Variants in PSMD12 observed in about 807,000 individuals in gnomAD.
PSMD12 encodes proteasome 26S subunit, non-ATPase 12.
PSMD12 carries 8 observed loss-of-function variants against 62.9 expected under a neutral mutation model. That is an observed-to-expected ratio of 0.13 (90% CI 0.07 to 0.23). The LOEUF is 0.23. Ranked by LOEUF, PSMD12 falls within the 10% of genes least tolerant of loss-of-function variation. The probability of loss-of-function intolerance (pLI) is 1.00; values close to 1 mark genes in which losing one functional copy is unlikely to be tolerated. For synonymous variants in PSMD12, 173 were observed against 187.4 expected (o/e 0.92, Z 0.63); for missense variants, 424 against 550.2 (o/e 0.77, Z 2.29).
chr17:67,358,684 A>C (rs1435553707), intron 1 of PSMD12, among the ~76,000 whole-genome samples: 4 of 152,052 alleles, frequency 2.6e-5, no homozygotes, highest in Non-Finnish European at 5.9e-5. Context: ...AGTTCCAAGG[A>C]GAAATAAAAA....
At chr17:67,363,874 AC>A (rs1190588809) in intron 1 of PSMD12, among the ~76,000 whole-genome samples, 1 of 151,920 alleles carries the variant, frequency 6.6e-6, no homozygotes, top group Admixed American at 6.6e-5. Flanking sequence ...ACATGGTAAA[AC>A]CCCGTCTCTA....
At position 67,357,569 on chromosome 17, in the gene PSMD12, G is replaced by C; in HGVS notation, c.118C>G (p.Leu40Val). 6.2e-7 allele frequency: 1 copy of C among 1,612,928 alleles called. No homozygotes were observed. The highest frequency in any genetic ancestry group is 8.5e-7 in the Non-Finnish European group (1 of 1,179,072). Reference sequence around the variant, plus strand: ...AGAAGGGTTTCAATGACTTCTTGAAGTCTTCCTTCCTAAAACAAAAGATGA... The same window carrying C: ...AGAAGGGTTTCAATGACTTCTTGAACTCTTCCTTCCTAAAACAAAAGATGA... ...ECAKLAKEGR[L>V]QEVIETLLSL... The change falls in exon 2 of 11, where the codon CTT becomes GTT. Residue 40 changes from leucine (L) to valine (V), a missense_variant. By Grantham distance (32) the Leu-to-Val change is conservative. Coordinates refer to ENST00000356126, the MANE Select transcript of PSMD12 (RefSeq NM_002816.5).
intron 1 of PSMD12, among the ~76,000 whole-genome samples, chr17:67,358,778 A>C (rs2042103192): frequency 6.6e-6 from 1 of 152,126 alleles, no homozygotes; most frequent in South Asian, 2.1e-4. Flanking sequence ...GCTTACCGGA[A>C]ATGAAGGCAT....
rs186258872 is a variant in PSMD12, at chr17:67,356,449, T to C, written c.297+854A>G. Among the ~76,000 whole-genome samples, 166 of 144,912 alleles carry C rather than the reference T, an allele frequency of 1.1e-3. 1 individual carries two copies. In the East Asian group the frequency reaches 0.021, roughly 18 times the overall value. ...AGCGGGCGCCTGTAGTCCCAGCTAC[T>C]CGGGAGGCTGAGGCAGGAGAATGGC... On this transcript the variant is annotated intron_variant, in intron 3 of 10. Coordinates refer to ENST00000356126, the MANE Select transcript of PSMD12 (RefSeq NM_002816.5).
At chr17:67,363,462 T>C (rs574188084) in intron 1 of PSMD12, among the ~76,000 whole-genome samples, 38 of 152,318 alleles carry the variant, frequency 2.5e-4, no homozygotes, top group South Asian at 1.2e-3. Context: ...AAATAAAAAA[T>C]GCCTTAAGGA....
chr17:67,363,227 C>T (rs1229241382), intron 1 of PSMD12, among the ~76,000 whole-genome samples: 1 of 152,152 alleles, frequency 6.6e-6, no homozygotes, highest in Admixed American at 6.5e-5. Context: ...TCATAGCTCA[C>T]TGCAACCTCG....
intron 1 of PSMD12, among the ~76,000 whole-genome samples, chr17:67,364,338 T>C (rs539892300): frequency 7.2e-5 from 11 of 152,300 alleles, no homozygotes; most frequent in African/African-American, 2.4e-4. Flanking sequence ...CATATGGTAT[T>C]GGAGTTTGCA....
At chr17:67,346,585 T>C (rs2041969397) in intron 7 of PSMD12, among the ~76,000 whole-genome samples, 1 of 151,556 alleles carries the variant, frequency 6.6e-6, no homozygotes, top group Non-Finnish European at 1.5e-5. Context: ...AAAAAACAAA[T>C]AAACAAACAA....
At chr17:67,363,878 C>G (rs959170403) in intron 1 of PSMD12, among the ~76,000 whole-genome samples, 103 of 151,978 alleles carry the variant, frequency 6.8e-4, no homozygotes, top group Admixed American at 6.7e-3. Flanking sequence ...GGTAAAACCC[C>G]GTCTCTACTA....
At chr17:67,357,269 T>C (rs1171618610) in intron 3 of PSMD12, 34 bp downstream of exon 3, 1 of 1,581,622 alleles carries the variant, frequency 6.3e-7, no homozygotes, top group Non-Finnish European at 8.6e-7. Flanking sequence ...TACAAATGCT[T>C]TTGTGTTTGG....
intron 1 of PSMD12, among the ~76,000 whole-genome samples, chr17:67,361,620 G>C (rs1331122628): frequency 1.3e-5 from 2 of 152,060 alleles, no homozygotes; most frequent in Non-Finnish European, 2.9e-5. Context: ...TTTAAAGCCA[G>C]TCCAATACTC....
Position 67,357,202 on chromosome 17 carries a change from C to T in PSMD12, c.297+101G>A, listed in dbSNP as rs550547031. 52 of 1,325,948 alleles carry T rather than the reference C, an allele frequency of 3.9e-5. No homozygotes were observed. The South Asian group carries it at 5.3e-4, about 13-fold the overall frequency. 82.1% of individuals were successfully genotyped at this position (1,325,948 alleles called of 1,614,324 possible). On this transcript the variant is annotated intron_variant, in intron 3 of 10. Coordinates refer to ENST00000356126, the MANE Select transcript of PSMD12 (RefSeq NM_002816.5). The stretch of plus-strand genomic sequence containing the variant: ...TAAAACACCCTCTAGGATGTTACAA[C>T]GTTGACTTAACACATTTTAAACAGA...
At chr17:67,355,949 G>A (rs996925064) in intron 3 of PSMD12, among the ~76,000 whole-genome samples, 5 of 150,404 alleles carry the variant, frequency 3.3e-5, no homozygotes, top group Non-Finnish European at 7.4e-5. Flanking sequence ...GTAATGTAGT[G>A]AGACCCAAGC....
chr17:67,348,572 G>A lies in PSMD12; in HGVS notation c.488C>T (p.Ala163Val), dbSNP rs1204891103. 1 of 1,613,432 alleles carries A rather than the reference G, an allele frequency of 6.2e-7. No homozygotes were observed. The highest frequency in any genetic ancestry group is 2.2e-5 in the East Asian group (1 of 44,888). ...TACCTGTAACTCCTGTAAAATGGAG[G>A]CTGCCTCTTTCACATCACCATTTTG... ...KEQNGDVKEA[A>V]SILQELQVET... Residue 163 changes from alanine to valine, a missense_variant, in exon 5 of 11, where the codon GCC (alanine) becomes GTC (valine). By Grantham distance (64) the Ala-to-Val change is moderately conservative. Coordinates refer to ENST00000356126, the MANE Select transcript of PSMD12 (RefSeq NM_002816.5).
At position 67,347,262 on chromosome 17, in the gene PSMD12, T is replaced by G. The variant is rs201553197; in HGVS notation, c.661-12A>C. The stretch of plus-strand genomic sequence containing the variant: ...TTCAACTTTAATTTCTGCAAAAAAG[T>G]TGACAAAACAAATTGGGGTTTATGG... On this transcript the variant is annotated splice_polypyrimidine_tract_variant and intron_variant, in intron 6 of 10. Transcript: ENST00000356126. The G allele has an allele frequency of 1.2e-6, 2 of 1,612,920 alleles. No homozygotes were observed. The highest frequency in any genetic ancestry group is 1.7e-6 in the Non-Finnish European group (2 of 1,179,504).
At chr17:67,348,417 C>T in intron 5 of PSMD12, 133 bp downstream of exon 5, 1 of 729,934 alleles carries the variant, frequency 1.4e-6, no homozygotes, top group Non-Finnish European at 2.3e-6. Flanking sequence ...ATGCCATTCA[C>T]AGGCTTTCAA....
At chr17:67,342,786 A>G (rs2041927076) in intron 9 of PSMD12, among the ~76,000 whole-genome samples, 1 of 152,062 alleles carries the variant, frequency 6.6e-6, no homozygotes, top group East Asian at 1.9e-4. Flanking sequence ...AAATTTAAAA[A>G]TTAGCTGAAT....
intron 7 of PSMD12, 83 bp downstream of exon 7, chr17:67,347,033 G>A (rs1056856245): frequency 8.1e-6 from 11 of 1,362,552 alleles, no homozygotes; most frequent in Non-Finnish European, 1.1e-5. Flanking sequence ...TCTAACTATT[G>A]CAGTTAAAAA....
In PSMD12 at chr17:67,340,888, A is replaced by G; in HGVS notation, c.1326T>C (p.Thr442=). The G allele has an allele frequency of 6.3e-7, 1 of 1,595,690 alleles. No homozygotes were observed. The highest frequency in any genetic ancestry group is 1.7e-4 in the Middle Eastern group (1 of 6,020). Residue 442 remains threonine, a synonymous_variant, in exon 11 of 11, where the codon ACT becomes ACC. Transcript: ENST00000356126. ...TCTCCTCTTTGGCTATGAGATGCGT[A>G]GTTTTGTTAACCAGAGACATTAATG... ...LNSLMSLVNK[T]THLIAKEEMI...
Sources: gnomAD v4.1 joint callset for allele counts (sites outside exome capture counted in the v4.1 genomes callset) on GRCh38, gnomAD v4.1.1 for gene constraint, MANE v1.5 for transcripts, NCBI Gene and HGNC (gene_info 2026-07-23, HGNC 2026-07-21) for gene names.